MAML1: variants seen among roughly 807,000 people sequenced by gnomAD.
MAML1 encodes the protein mastermind-like protein 1.
A neutral mutation model predicts 77.1 loss-of-function variants in MAML1; 14 were observed. The ratio of observed to expected loss-of-function variants is 0.18; its 90% CI spans 0.12 to 0.28. The LOEUF (loss-of-function observed/expected upper bound fraction) is 0.28. Among genes scored for constraint, MAML1 ranks in the 10% least tolerant of loss-of-function variants. MAML1 has a pLI of 1.00. For synonymous variants in MAML1, 516 were observed against 551.9 expected (o/e 0.93, Z 0.91); for missense variants, 1,217 against 1,327.8 (o/e 0.92, Z 1.30).
At chr5:179,748,511 T>C (rs2113348196) in intron 1 of MAML1, among the ~76,000 whole-genome samples, 1 of 152,256 alleles carries the variant, frequency 6.6e-6, no homozygotes, top group Admixed American at 6.5e-5. Context: ...CTAACAATAT[T>C]ATAAGAGTTG....
Position 179,765,835 on chromosome 5 carries a change from C to T in MAML1, c.825C>T (p.Phe275=), listed in dbSNP as rs752553028. The change falls in exon 2 of 5, where the codon TTC becomes TTT. Residue 275 remains phenylalanine, a synonymous_variant. Coordinates refer to ENST00000292599, the MANE Select transcript of MAML1 (RefSeq NM_014757.5). ...EDMKDLFNED[F]EEKKDPESSG... ...TGAAGGACCTGTTTAATGAGGACTT[C>T]GAGGAGAAGAAGGACCCAGAGTCTT... The T allele has an allele frequency of 5.6e-6, 9 of 1,613,984 alleles. No homozygotes were observed. Among genetic ancestry groups the T allele is most frequent in the African/African-American group, 1.3e-5 (1 of 74,886 alleles).
Position 179,771,202 on chromosome 5 carries a change from C to T in MAML1, c.2027C>T (p.Pro676Leu), listed in dbSNP as rs141105913. 33 of 1,614,114 alleles carry T rather than the reference C, an allele frequency of 2.0e-5. No homozygotes were observed. In the African/African-American group the frequency reaches 3.1e-4, roughly 15 times the overall value. ...LTRPPPQYQDPTQGSFPQQVG... is the reference protein window; with the variant it reads ...LTRPPPQYQDLTQGSFPQQVG... ...CGCCCACCACCCCAGTACCAAGACC[C>T]GACACAAGGCAGCTTCCCACAGCAG... is the stretch of plus-strand genomic sequence containing the variant. The change falls in exon 4 of 5, where the codon CCG (proline) becomes CTG (leucine). Residue 676 changes from proline to leucine, a missense_variant. Physicochemically the swap from Pro to Leu is moderately conservative, Grantham distance 98 (BLOSUM62 -3). Around this residue, in one of 3 missense-constraint regions of MAML1, gnomAD observed 884 missense variants for 949.3 expected, o/e 0.93. Transcript: ENST00000292599. The surrounding 1 kb of genome is among the most constrained non-coding windows in gnomAD (Gnocchi z 4.7).
rs1191840359 is a variant in MAML1, at chr5:179,733,036, C to G, written c.-77C>G. ...CGGCCGTGAGGCGGAGAGGGGTAGCCGCGGGGAGCGAAGCCCGCAGTGCCA... is the reference window on the plus strand; with the variant it reads ...CGGCCGTGAGGCGGAGAGGGGTAGCGGCGGGGAGCGAAGCCCGCAGTGCCA... On this transcript the variant is annotated 5_prime_UTR_variant, in exon 1 of 5. Coordinates refer to ENST00000292599, the MANE Select transcript of MAML1 (RefSeq NM_014757.5). The G allele has an allele frequency of 5.4e-6, 5 of 929,330 alleles. No homozygotes were observed. The highest frequency in any genetic ancestry group is 4.6e-5 in the Admixed American group (1 of 21,752). 57.6% of individuals were successfully genotyped at this position (929,330 alleles called of 1,614,324 possible). A position where few individuals can be genotyped will look rare whatever the true frequency, so the allele number is the denominator to read the frequency against.
In MAML1 at chr5:179,769,145, T is replaced by C; in HGVS notation, c.1971+56T>C. ...TTCCCACCTTTGCCTGCACCCTGCGTCACTGCTACAGTCACACCTTCTGCT... is the reference window on the plus strand; with the variant it reads ...TTCCCACCTTTGCCTGCACCCTGCGCCACTGCTACAGTCACACCTTCTGCT... On this transcript the variant is annotated intron_variant, in intron 3 of 4. Transcript: ENST00000292599. The surrounding 1 kb of genome is among the most constrained non-coding windows in gnomAD (Gnocchi z 4.2). 1 of 1,601,498 alleles carries C rather than the reference T, an allele frequency of 6.2e-7. No individual in the cohort carries two copies. Among genetic ancestry groups the C allele is most frequent in the Non-Finnish European group, 8.5e-7 (1 of 1,173,018 alleles).
Position 179,733,241 on chromosome 5 carries a change from C to G in MAML1, c.129C>G (p.Ala43=). 1.4e-6 allele frequency: 2 copies of G among 1,474,378 alleles called. No individual in the cohort carries two copies. Among genetic ancestry groups the G allele is most frequent in the Non-Finnish European group, 1.8e-6 (2 of 1,115,684 alleles). 91.3% of individuals were successfully genotyped at this position (1,474,378 alleles called of 1,614,324 possible). The change falls in exon 1 of 5, where the codon GCC becomes GCG. Residue 43 remains alanine (A), a synonymous_variant. Transcript: ENST00000292599. The part of the protein sequence containing the change: ...HHSTCEARYE[A]VSPERLELER... ...GCACCTGCGAGGCCCGCTACGAGGC[C>G]GTGTCGCCCGAGCGCCTGGAGCTGG...
chr5:179,768,073 C>T (rs1717800755), intron 2 of MAML1, among the ~76,000 whole-genome samples: 1 of 152,220 alleles, frequency 6.6e-6, no homozygotes, highest in South Asian at 2.1e-4. Flanking sequence ...CGCAGATGTA[C>T]AGTTTCGGGT....
In MAML1 at chr5:179,768,878, A is replaced by G. The variant is rs1779869555; in HGVS notation, c.1760A>G (p.Gln587Arg). 1 of 1,614,052 alleles carries G rather than the reference A, an allele frequency of 6.2e-7. No homozygotes were observed. The highest frequency in any genetic ancestry group is 1.3e-5 in the African/African-American group (1 of 74,916). ...CAGAACCCTTCCAGTGTCCCTGTGCAAGCCCAGGCTACCAGTGTTGGGACC... is the reference window on the plus strand; with the variant it reads ...CAGAACCCTTCCAGTGTCCCTGTGCGAGCCCAGGCTACCAGTGTTGGGACC... ...QEQNPSSVPVQAQATSVGTQP... is the reference protein window; with the variant it reads ...QEQNPSSVPVRAQATSVGTQP... Residue 587 changes from glutamine (Q) to arginine (R), a missense_variant, in exon 3 of 5, where the codon CAA becomes CGA. Physicochemically the swap from Gln to Arg is conservative, Grantham distance 43. This residue lies in a region of MAML1 where 884 missense variants were observed against 949.3 expected (regional missense o/e 0.93). Transcript: ENST00000292599.
intron 1 of MAML1, among the ~76,000 whole-genome samples, chr5:179,742,943 T>C (rs934273296): frequency 6.6e-6 from 1 of 152,168 alleles, no homozygotes; most frequent in African/African-American, 2.4e-5. Context: ...TTCTTTGAAT[T>C]TGGGACTTAA....
chr5:179,761,207 A>G (rs983408834), intron 1 of MAML1, among the ~76,000 whole-genome samples: 1 of 151,808 alleles, frequency 6.6e-6, no homozygotes, highest in African/African-American at 2.4e-5. Context: ...TAGCCTGGAC[A>G]ACATAGTGAG....
intron 1 of MAML1, among the ~76,000 whole-genome samples, chr5:179,751,574 G>T (rs376182660): frequency 6.6e-6 from 1 of 152,054 alleles, no homozygotes; most frequent in Non-Finnish European, 1.5e-5. Flanking sequence ...GCATGGTGGC[G>T]CACACCTGTA....
In MAML1 at chr5:179,766,987, C is replaced by T. The variant is rs1779832004; in HGVS notation, c.1731+246C>T. The stretch of plus-strand genomic sequence containing the variant: ...AACTGCACGAAGGTTTCAGGAATCA[C>T]CTGCATTTAGTCCACTGTCTCTTTC... On this transcript the variant is annotated intron_variant, in intron 2 of 4. Transcript: ENST00000292599. The surrounding 1 kb of genome is among the most constrained non-coding windows in gnomAD (Gnocchi z 4.0). Among the ~76,000 whole-genome samples, 1 of 152,126 alleles carries T rather than the reference C, an allele frequency of 6.6e-6. No homozygotes were observed. Among genetic ancestry groups the T allele is most frequent in the Non-Finnish European group, 1.5e-5 (1 of 68,024 alleles).
intron 1 of MAML1, among the ~76,000 whole-genome samples, chr5:179,740,651 A>G (rs1334593412): frequency 6.6e-6 from 1 of 152,006 alleles, no homozygotes; most frequent in African/African-American, 2.4e-5. Context: ...GAGTGGATGC[A>G]TATAAAGCTT....
chr5:179,753,222 T>TGTGC (rs1491538366), intron 1 of MAML1, among the ~76,000 whole-genome samples: 181 of 31,466 alleles, frequency 5.8e-3, no homozygotes, highest in African/African-American at 9.7e-3. Context: ...TGTGTGTGTG[T>TGTGC]GCGCGCGCGC....
intron 1 of MAML1, among the ~76,000 whole-genome samples, chr5:179,759,916 G>A (rs1444359972): frequency 2.6e-5 from 4 of 152,170 alleles, no homozygotes; most frequent in Non-Finnish European, 5.9e-5. Context: ...TATTAAGGAG[G>A]TAGACTCTAC....
chr5:179,754,072 C>T (rs1581934869), intron 1 of MAML1, among the ~76,000 whole-genome samples: 1 of 151,980 alleles, frequency 6.6e-6, no homozygotes. Flanking sequence ...TCCCTTGAGC[C>T]CAGGGGTTTG....
intron 1 of MAML1, among the ~76,000 whole-genome samples, chr5:179,748,540 A>G (rs1478592445): frequency 1.3e-5 from 2 of 152,258 alleles, no homozygotes; most frequent in Non-Finnish European, 2.9e-5. Flanking sequence ...AGGCATATCA[A>G]TAAAATTTAA....
intron 1 of MAML1, among the ~76,000 whole-genome samples, chr5:179,759,555 T>C (rs181288895): frequency 6.6e-6 from 1 of 152,326 alleles, no homozygotes; most frequent in African/African-American, 2.4e-5. Flanking sequence ...TTGACATGGA[T>C]TTCCCTTCCT....
chr5:179,734,814 A>G (rs1319033136), intron 1 of MAML1, among the ~76,000 whole-genome samples: 1 of 152,136 alleles, frequency 6.6e-6, no homozygotes, highest in East Asian at 1.9e-4. Flanking sequence ...ACAGCTGCAC[A>G]TCACCATGCC....
rs1198061440 is a variant in MAML1 at position 179,769,801 on chromosome 5, T to C, written c.1971+712T>C. On this transcript the variant is annotated intron_variant, in intron 3 of 4. Coordinates refer to ENST00000292599, the MANE Select transcript of MAML1 (RefSeq NM_014757.5). This position sits in a 1 kb window ranked among gnomAD's most constrained non-coding sequence, Gnocchi z 4.2. The stretch of plus-strand genomic sequence containing the variant: ...CTCCTGACCTCAAGTGATCCACTCA[T>C]CTCGGCCTCCCAAAGTGCTGAGATT... Among the ~76,000 whole-genome samples the C allele has an allele frequency of 6.6e-6, 1 of 152,006 alleles. No individual in the cohort carries two copies. The highest frequency in any genetic ancestry group is 2.4e-5 in the African/African-American group (1 of 41,382).
Sources: gnomAD v4.1 joint callset for allele counts (sites outside exome capture counted in the v4.1 genomes callset) on GRCh38, gnomAD v4.1.1 for gene constraint, gnomAD v4.1.1 regional missense constraint, Gnocchi (gnomAD v3.1) non-coding constraint, MANE v1.5 for transcripts, NCBI Gene and HGNC (gene_info 2026-07-23, HGNC 2026-07-21) for gene names.